Variants in ZBTB7C observed in about 807,000 individuals in gnomAD.
ZBTB7C encodes zinc finger and BTB domain containing 7C.
ZBTB7C carries 8 observed loss-of-function variants against 25.7 expected under a neutral mutation model. The ratio of observed to expected loss-of-function variants is 0.31; its 90% CI spans 0.18 to 0.56. ZBTB7C has a LOEUF of 0.56. ZBTB7C is among the 20% of genes least tolerant of loss of function. ZBTB7C has a pLI of 0.91. For missense variants in ZBTB7C, 824 were observed against 855.2 expected, an observed-to-expected ratio of 0.96 and a Z score of 0.46; for synonymous variants, 394 against 369.0, an observed-to-expected ratio of 1.07 and a Z score of -0.78.
At chr18:48,322,565 G>C (rs7238889) in intron 2 of ZBTB7C, among the ~76,000 whole-genome samples, 3,156 of 152,232 alleles carry the variant, frequency 0.021, 106 homozygotes, top group African/African-American at 0.072. Flanking sequence ...GCGTGGATGC[G>C]ATAAAAAGGG....
At chr18:48,138,885 T>C (rs1302841646) in intron 3 of ZBTB7C, among the ~76,000 whole-genome samples, 1 of 152,196 alleles carries the variant, frequency 6.6e-6, no homozygotes, top group Non-Finnish European at 1.5e-5. Context: ...CAGAAGTGTT[T>C]GCTGTGTGCC....
chr18:48,288,436 C>T (rs148527622), intron 2 of ZBTB7C, among the ~76,000 whole-genome samples: 2,727 of 151,642 alleles, frequency 0.018, 91 homozygotes, highest in African/African-American at 0.063. Context: ...TCACCTGAGG[C>T]CAGGAGTTCG....
At chr18:48,188,164 C>A (rs2042108979) in intron 2 of ZBTB7C, among the ~76,000 whole-genome samples, 1 of 152,158 alleles carries the variant, frequency 6.6e-6, no homozygotes, top group African/African-American at 2.4e-5. Context: ...GACCAAAGGA[C>A]ATAATGGACA....
chr18:48,406,791 T>C (rs564381075), intron 1 of ZBTB7C, among the ~76,000 whole-genome samples: 3 of 152,356 alleles, frequency 2.0e-5, no homozygotes, highest in South Asian at 2.1e-4. Context: ...TTGACACACA[T>C]TGCATCCAGC....
At chr18:48,104,259 C>T (rs551597245) in intron 3 of ZBTB7C, among the ~76,000 whole-genome samples, 3 of 152,232 alleles carry the variant, frequency 2.0e-5, no homozygotes, top group Admixed American at 1.3e-4. Context: ...TATTAGTTTC[C>T]TCAAGATCTG....
intron 1 of ZBTB7C, among the ~76,000 whole-genome samples, chr18:48,376,715 C>T (rs2047527382): frequency 6.6e-6 from 1 of 152,234 alleles, no homozygotes; most frequent in Admixed American, 6.5e-5. Flanking sequence ...TTTCCTGTGG[C>T]TGTAAGGCCT....
chr18:48,405,491 T>C (rs2048259279), intron 1 of ZBTB7C, among the ~76,000 whole-genome samples: 1 of 152,228 alleles, frequency 6.6e-6, no homozygotes, highest in African/African-American at 2.4e-5. Flanking sequence ...GTGAGATTTC[T>C]GGGGTGTACC....
chr18:48,118,747 G>A (rs2039529757), intron 3 of ZBTB7C, among the ~76,000 whole-genome samples: 1 of 152,194 alleles, frequency 6.6e-6, no homozygotes, highest in African/African-American at 2.4e-5. Context: ...CTCAGATAAA[G>A]TGCTAAGTGA....
At chr18:48,045,134 G>A (rs2036417835) in intron 3 of ZBTB7C, among the ~76,000 whole-genome samples, 2 of 152,214 alleles carry the variant, frequency 1.3e-5, no homozygotes, top group Admixed American at 6.5e-5. Context: ...GGGAGGGAAG[G>A]ATTTGGGTGG....
intron 1 of ZBTB7C, among the ~76,000 whole-genome samples, chr18:48,347,243 C>CT (rs1261604493): frequency 3.1e-5 from 4 of 129,164 alleles, no homozygotes; most frequent in African/African-American, 1.2e-4. Context: ...GTAGCTGGGA[C>CT]TACAGGCACG....
At chr18:48,086,377 G>A (rs1413093518) in intron 3 of ZBTB7C, among the ~76,000 whole-genome samples, 2 of 152,192 alleles carry the variant, frequency 1.3e-5, no homozygotes, top group Admixed American at 6.5e-5. Flanking sequence ...AGATGGTAGA[G>A]TTGAAACTGA....
At chr18:48,385,106 A>C (rs2047718255) in intron 1 of ZBTB7C, among the ~76,000 whole-genome samples, 1 of 152,214 alleles carries the variant, frequency 6.6e-6, no homozygotes, top group South Asian at 2.1e-4. Flanking sequence ...TGCTAGGTGC[A>C]ACCTCACATC....
At chr18:48,398,949 C>T (rs9965277) in intron 1 of ZBTB7C, among the ~76,000 whole-genome samples, 53,651 of 152,094 alleles carry the variant, frequency 0.35, 10,199 homozygotes, top group African/African-American at 0.49. Flanking sequence ...ATAAATCTTC[C>T]TGTATTCAGA....
chr18:48,083,718 A>T, intron 3 of ZBTB7C: 1 of 536,568 alleles, frequency 1.9e-6, no homozygotes, highest in Non-Finnish European at 2.4e-6. Context: ...AATCCATTTC[A>T]GTGCCCTTAA....
chr18:48,139,021 T>C (rs2040259600), intron 3 of ZBTB7C, among the ~76,000 whole-genome samples: 1 of 152,064 alleles, frequency 6.6e-6, no homozygotes, highest in Non-Finnish European at 1.5e-5. Context: ...GCAAGGTGCA[T>C]CCAGCACCCT....
chr18:48,050,934 T>G (rs2036661139), intron 3 of ZBTB7C, among the ~76,000 whole-genome samples: 1 of 152,154 alleles, frequency 6.6e-6, no homozygotes, highest in South Asian at 2.1e-4. Context: ...ACATAAGGAA[T>G]TATTTTGCCT....
chr18:48,070,095 G>T (rs982520202), intron 3 of ZBTB7C, among the ~76,000 whole-genome samples: 7 of 152,222 alleles, frequency 4.6e-5, no homozygotes, highest in African/African-American at 1.7e-4. Flanking sequence ...AGGTCTCTGT[G>T]ACCTCAAGGG....
chr18:48,079,375 C>A (rs1184213368), intron 3 of ZBTB7C, among the ~76,000 whole-genome samples: 4 of 152,188 alleles, frequency 2.6e-5, no homozygotes, highest in Non-Finnish European at 5.9e-5. Context: ...CATTTGTGCC[C>A]AATTTTTTAA....
chr18:48,037,631 G>A (rs1049038721), intron 4 of ZBTB7C, among the ~76,000 whole-genome samples: 2 of 152,232 alleles, frequency 1.3e-5, no homozygotes, highest in Admixed American at 6.5e-5. Context: ...GGGAAGAAGG[G>A]AGATGGGGTC....
Sources: gnomAD v4.1 joint callset for allele counts (sites outside exome capture counted in the v4.1 genomes callset) on GRCh38, gnomAD v4.1.1 for gene constraint, MANE v1.5 for transcripts, NCBI Gene and HGNC (gene_info 2026-07-23, HGNC 2026-07-21) for gene names.